The following ASXL2 variants were observed in gnomAD, a reference collection of about 807,000 sequenced individuals.
The protein encoded by ASXL2 is putative Polycomb group protein ASXL2.
ASXL2 carries 23 observed loss-of-function variants against 122.0 expected under a neutral mutation model. That is an observed-to-expected ratio of 0.19 (90% CI 0.14 to 0.27). ASXL2 has a LOEUF of 0.27. Among genes scored for constraint, ASXL2 ranks in the 10% least tolerant of loss-of-function variants. The pLI is 1.00. For missense variants in ASXL2, 1,518 were observed against 1,713.8 expected (o/e 0.89, Z 2.02); for synonymous variants, 650 against 637.0 (o/e 1.02, Z -0.31).
intron 5 of ASXL2, among the ~76,000 whole-genome samples, chr2:25,772,269 C>G (rs993880205): frequency 6.6e-6 from 1 of 151,978 alleles, no homozygotes; most frequent in Non-Finnish European, 1.5e-5. Flanking sequence ...ACAGAAATTG[C>G]TGATTCAGTA....
intron 1 of ASXL2, among the ~76,000 whole-genome samples, chr2:25,847,035 T>C (rs1488643224): frequency 6.6e-6 from 1 of 152,248 alleles, no homozygotes; most frequent in African/African-American, 2.4e-5. Context: ...TATATACGTA[T>C]ATTTCATGTA....
chr2:25,860,204 C>G (rs551570744), intron 1 of ASXL2, among the ~76,000 whole-genome samples: 216 of 151,302 alleles, frequency 1.4e-3, no homozygotes, highest in Middle Eastern at 6.8e-3. Flanking sequence ...CCAGCTACTC[C>G]GGAGGCTAAG....
chr2:25,850,185 ATT>A (rs34780293), intron 1 of ASXL2, among the ~76,000 whole-genome samples: 6,679 of 149,708 alleles, frequency 0.045, 196 homozygotes, highest in African/African-American at 0.077. Context: ...AAGGACTTAA[ATT>A]TTTTTTTTTA....
chr2:25,843,814 T>TAAAAAAAAAAA (rs541446675), intron 2 of ASXL2, among the ~76,000 whole-genome samples: 19 of 86,482 alleles, frequency 2.2e-4, no homozygotes, highest in African/African-American at 6.1e-4. Flanking sequence ...CTCCATCTCT[T>TAAAAAAAAAAA]AAAAAAAAAA....
chr2:25,792,333 G>A (rs1341175111), intron 5 of ASXL2, among the ~76,000 whole-genome samples: 6 of 152,022 alleles, frequency 3.9e-5, no homozygotes, highest in Non-Finnish European at 1.5e-5. Context: ...ATATTACTTT[G>A]GTTGTTATCA....
chr2:25,794,582 A>C (rs1274581178), intron 5 of ASXL2, among the ~76,000 whole-genome samples: 4 of 152,196 alleles, frequency 2.6e-5, no homozygotes, highest in African/African-American at 9.7e-5. Context: ...GAAATCAATA[A>C]ACTAGTTTTA....
chr2:25,765,491 A>G lies in ASXL2; in HGVS notation c.775+2092T>C, dbSNP rs147765207. 2.6e-3 allele frequency among the ~76,000 whole-genome samples: 378 copies of G among 146,244 alleles called. 3 individuals carry two copies. The highest frequency in any genetic ancestry group is 9.1e-3 in the African/African-American group (361 of 39,746). ...GAGCGCGACTCCCTCTCAAAAAAAGAAAAAAAAAAAGAAAATAGTCATTGT... is the reference window on the plus strand; with the variant it reads ...GAGCGCGACTCCCTCTCAAAAAAAGGAAAAAAAAAAGAAAATAGTCATTGT... On this transcript the variant is annotated intron_variant, in intron 8 of 12. Transcript: ENST00000435504.
chr2:25,867,188 CCG>C (rs1332491295), intron 1 of ASXL2, among the ~76,000 whole-genome samples: 1 of 152,178 alleles, frequency 6.6e-6, no homozygotes, highest in Admixed American at 6.5e-5. Context: ...GCGTGAGCCA[CCG>C]CGCCTGGCAC....
rs1018881722 is a variant in ASXL2 at position 25,744,981 on chromosome 2, T to A, written c.1861-505A>T. Among the ~76,000 whole-genome samples the A allele has an allele frequency of 2.5e-5, 3 of 119,912 alleles. No individual in the cohort carries two copies. The highest frequency in any genetic ancestry group is 9.3e-5 in the African/African-American group (3 of 32,412). The allele number at this position is 119,912 out of a possible 152,430, so 78.7% of individuals were successfully genotyped here. A position where few individuals can be genotyped will look rare whatever the true frequency, so the allele number is the denominator to read the frequency against. ...CACACACACACACACACACACACAC[T>A]TGGGCTGGATTATCTCAAATTACAC... On this transcript the variant is annotated intron_variant, in intron 12 of 12. Transcript: ENST00000435504. This position sits in a 1 kb window ranked among gnomAD's most constrained non-coding sequence, Gnocchi z 4.7.
intron 3 of ASXL2, among the ~76,000 whole-genome samples, chr2:25,823,615 A>G (rs2089338651): frequency 6.6e-6 from 1 of 152,236 alleles, no homozygotes; most frequent in Non-Finnish European, 1.5e-5. Context: ...GAAGATGAAG[A>G]AAGCTGTACA....
rs369937883 is a variant in ASXL2 at position 25,736,921 on chromosome 2, C to T, written c.*5108G>A. The T allele has an allele frequency of 1.7e-4, 26 of 152,206 alleles. No homozygotes were observed. Among genetic ancestry groups the T allele is most frequent in the South Asian group, 4.2e-4 (2 of 4,818 alleles). 9.4% of individuals were successfully genotyped at this position (152,206 alleles called of 1,614,324 possible). On this transcript the variant is annotated 3_prime_UTR_variant, in exon 13 of 13. Coordinates refer to ENST00000435504, the MANE Select transcript of ASXL2 (RefSeq NM_018263.6). The stretch of plus-strand genomic sequence containing the variant: ...AGGCACCATTTTGCTCCTATCATAT[C>T]CTAAAATCAAGTATTTACTTTGCAG...
intron 12 of ASXL2, among the ~76,000 whole-genome samples, chr2:25,746,551 G>A (rs2087945836): frequency 6.6e-6 from 1 of 150,974 alleles, no homozygotes; most frequent in South Asian, 2.1e-4. Context: ...TACAAGAAAG[G>A]TGTTTAGGGG....
At chr2:25,856,442 T>C (rs1310947934) in intron 1 of ASXL2, 13 of 868,776 alleles carry the variant, frequency 1.5e-5, no homozygotes, top group Non-Finnish European at 2.4e-5. Flanking sequence ...TCCAGTGGAG[T>C]CCTGGAGTCT....
chr2:25,734,462 T>C lies in ASXL2; in HGVS notation c.*7567A>G, dbSNP rs1011785668. 6.6e-6 allele frequency: 1 copy of C among 152,196 alleles called. No individual in the cohort carries two copies. Among genetic ancestry groups the C allele is most frequent in the Non-Finnish European group, 1.5e-5 (1 of 68,034 alleles). The allele number at this position is 152,196 out of a possible 1,614,324, so 9.4% of individuals were successfully genotyped here. Reference sequence around the variant, plus strand: ...CCCAACTCTATTATAATTTCCAAGCTCTAGGTATCTGAAGACATTAGATTC... The same window carrying C: ...CCCAACTCTATTATAATTTCCAAGCCCTAGGTATCTGAAGACATTAGATTC... On this transcript the variant is annotated 3_prime_UTR_variant, in exon 13 of 13. Coordinates refer to ENST00000435504, the MANE Select transcript of ASXL2 (RefSeq NM_018263.6).
intron 10 of ASXL2, among the ~76,000 whole-genome samples, chr2:25,755,347 A>C (rs2088114138): frequency 6.6e-6 from 1 of 152,184 alleles, no homozygotes; most frequent in African/African-American, 2.4e-5. Context: ...TCAGCTGTAG[A>C]GGTGAAGAAC....
intron 1 of ASXL2, among the ~76,000 whole-genome samples, chr2:25,853,425 C>T (rs2089741470): frequency 6.6e-6 from 1 of 152,182 alleles, no homozygotes; most frequent in African/African-American, 2.4e-5. Flanking sequence ...CAGCTTCTGT[C>T]ACACTAGACT....
intron 1 of ASXL2, chr2:25,856,754 G>T: frequency 7.7e-7 from 1 of 1,306,738 alleles, no homozygotes; most frequent in Non-Finnish European, 1.1e-6. Context: ...GCAGCAGACA[G>T]CTGCAGACCT....
intron 1 of ASXL2, among the ~76,000 whole-genome samples, chr2:25,870,602 G>A (rs1339473278): frequency 6.6e-6 from 1 of 152,092 alleles, no homozygotes; most frequent in Non-Finnish European, 1.5e-5. Flanking sequence ...AGCCCAGGAG[G>A]TCAAGGCTTC....
intron 1 of ASXL2, among the ~76,000 whole-genome samples, chr2:25,867,788 G>A (rs1252876472): frequency 6.6e-6 from 1 of 152,140 alleles, no homozygotes; most frequent in Non-Finnish European, 1.5e-5. Flanking sequence ...AACATACGCT[G>A]CATTTTTCAG....
Sources: gnomAD v4.1 joint callset for allele counts (sites outside exome capture counted in the v4.1 genomes callset) on GRCh38, gnomAD v4.1.1 for gene constraint, Gnocchi (gnomAD v3.1) non-coding constraint, MANE v1.5 for transcripts, NCBI Gene and HGNC (gene_info 2026-07-23, HGNC 2026-07-21) for gene names.